The following GLDC variants were observed in gnomAD, a reference collection of about 807,000 sequenced individuals.
GLDC encodes glycine dehydrogenase (decarboxylating), mitochondrial.
A neutral mutation model predicts 121.3 loss-of-function variants in GLDC; 104 were observed. That is an observed-to-expected ratio of 0.86 (90% CI 0.73 to 1.01). The LOEUF (loss-of-function observed/expected upper bound fraction) is 1.01, where lower values mean the gene tolerates loss of function less well. Ranked by LOEUF, GLDC falls within the 50% of genes least tolerant of loss-of-function variation. The pLI is 0.00. For missense variants in GLDC, 1,429 were observed against 1,306.6 expected, an observed-to-expected ratio of 1.09 and a Z score of -1.44; for synonymous variants, 546 against 480.6, an observed-to-expected ratio of 1.14 and a Z score of -1.78.
chr9:6,536,357 T>G (rs1817130642), intron 22 of GLDC, 121 bp from the exon 23 acceptor site: 2 of 870,194 alleles, frequency 2.3e-6, no homozygotes, highest in African/African-American at 1.7e-5. Flanking sequence ...CATTTGCAAA[T>G]GTATGTATGT....
At chr9:6,577,307 C>T (rs2129798500) in intron 15 of GLDC, among the ~76,000 whole-genome samples, 1 of 152,284 alleles carries the variant, frequency 6.6e-6, no homozygotes, top group South Asian at 2.1e-4. Context: ...AACTGGGTGC[C>T]CTGGGAGACT....
intron 15 of GLDC, among the ~76,000 whole-genome samples, chr9:6,574,693 T>A (rs756437276): frequency 3.9e-5 from 6 of 152,116 alleles, no homozygotes; most frequent in Non-Finnish European, 8.8e-5. Context: ...GCTCTCCTCA[T>A]CCCTCACCCT....
At chr9:6,610,463 A>C (rs116286048) in intron 3 of GLDC, 107 bp from the exon 4 acceptor site, 1 of 1,081,416 alleles carries the variant, frequency 9.2e-7, no homozygotes, top group East Asian at 2.5e-5. Context: ...GCCTATCTTG[A>C]GGAGAATTAC....
intron 2 of GLDC, among the ~76,000 whole-genome samples, chr9:6,638,056 C>A (rs1819543879): frequency 6.6e-6 from 1 of 151,914 alleles, no homozygotes; most frequent in South Asian, 2.1e-4. Flanking sequence ...TCTGAATATC[C>A]CCCAAATAAT....
At chr9:6,579,174 C>A (rs917340072) in intron 15 of GLDC, among the ~76,000 whole-genome samples, 2 of 152,100 alleles carry the variant, frequency 1.3e-5, no homozygotes, top group African/African-American at 4.8e-5. Flanking sequence ...AAAGAGTTAA[C>A]TGATTTCACT....
chr9:6,644,118 A>G (rs986289930), intron 2 of GLDC, among the ~76,000 whole-genome samples: 1 of 151,310 alleles, frequency 6.6e-6, no homozygotes, highest in Non-Finnish European at 1.5e-5. Context: ...TTCAGTTGGT[A>G]AATAATAAAA....
chr9:6,558,232 G>GT (rs1293517975), intron 17 of GLDC: 2 of 576,022 alleles, frequency 3.5e-6, no homozygotes, highest in Non-Finnish European at 6.2e-6. Flanking sequence ...ACGAAGATGT[G>GT]TAAGTGTGAC....
At chr9:6,575,498 G>T (rs913978170) in intron 15 of GLDC, among the ~76,000 whole-genome samples, 1 of 152,162 alleles carries the variant, frequency 6.6e-6, no homozygotes, top group Non-Finnish European at 1.5e-5. Flanking sequence ...GTAGGGTGAG[G>T]CTCAGTAATT....
chr9:6,623,513 G>A (rs918704078), intron 2 of GLDC, among the ~76,000 whole-genome samples: 3 of 150,594 alleles, frequency 2.0e-5, no homozygotes, highest in Non-Finnish European at 4.4e-5. Context: ...AGGAAAACCA[G>A]AGACCTTTGT....
intron 3 of GLDC, among the ~76,000 whole-genome samples, chr9:6,615,854 T>C (rs1818958379): frequency 1.3e-5 from 2 of 152,170 alleles, no homozygotes; most frequent in South Asian, 4.1e-4. Context: ...CCTCAAGTGA[T>C]CTGCCCACCT....
chr9:6,619,146 CAAAAAAAAAAAAA>C lies in GLDC; in HGVS notation c.470+1025_470+1037del, dbSNP rs1162280442. Among the ~76,000 whole-genome samples the C allele has an allele frequency of 2.4e-3, 146 of 60,682 alleles. 1 individual carries two copies. Among genetic ancestry groups the C allele is most frequent in the Middle Eastern group, 0.034 (2 of 58 alleles). 39.8% of individuals were successfully genotyped at this position (60,682 alleles called of 152,430 possible). A position where few individuals can be genotyped will look rare whatever the true frequency, so the allele number is the denominator to read the frequency against. Reference sequence around the variant, plus strand: ...CAACAGAGTGAGACTCTGTCTCAGGCAAAAAAAAAAAAAAAAAAAAAAAAAAAAAAGAAGAAGT... The same window carrying C: ...CAACAGAGTGAGACTCTGTCTCAGGCAAAAAAAAAAAAAAAAAGAAGAAGT... On this transcript the variant is annotated intron_variant, in intron 3 of 24. Transcript: ENST00000321612.
At chr9:6,593,325 C>G (rs963430567) in intron 9 of GLDC, among the ~76,000 whole-genome samples, 6 of 149,690 alleles carry the variant, frequency 4.0e-5, no homozygotes, top group African/African-American at 1.5e-4. Flanking sequence ...TACAGTCTCA[C>G]TCTGTTGTCC....
At position 6,576,058 on chromosome 9, in the gene GLDC, T is replaced by C. The variant is rs142766977; in HGVS notation, c.1851-10629A>G. ...CCTTCAAACACCCTTGGGATCAAAA[T>C]GTCCTAAGGAACTAGGCAGACCAGT... On this transcript the variant is annotated intron_variant, in intron 15 of 24. Coordinates refer to ENST00000321612, the MANE Select transcript of GLDC (RefSeq NM_000170.3). Among the ~76,000 whole-genome samples the C allele has an allele frequency of 4.1e-4, 62 of 152,320 alleles. 1 individual carries two copies. The highest frequency in any genetic ancestry group is 1.2e-3 in the African/African-American group (48 of 41,574).
intron 15 of GLDC, among the ~76,000 whole-genome samples, chr9:6,584,375 C>T (rs1025725666): frequency 2.6e-5 from 4 of 152,274 alleles, no homozygotes; most frequent in Non-Finnish European, 5.9e-5. Context: ...AAAAATGTGA[C>T]GTGCATATAG....
At chr9:6,599,148 C>T (rs1818549136) in intron 8 of GLDC, among the ~76,000 whole-genome samples, 1 of 150,668 alleles carries the variant, frequency 6.6e-6, no homozygotes, top group African/African-American at 2.4e-5. Flanking sequence ...CACGCCATTG[C>T]ACTCCAGCCT....
At chr9:6,567,261 A>T (rs1415127688) in intron 15 of GLDC, 1 of 152,216 alleles carries the variant, frequency 6.6e-6, no homozygotes, top group Non-Finnish European at 1.5e-5. Flanking sequence ...AAAGGCAAAG[A>T]CTGCTCTTCT....
chr9:6,606,309 C>CAAAAAAAA (rs56758871), intron 5 of GLDC, among the ~76,000 whole-genome samples: 2 of 90,044 alleles, frequency 2.2e-5, no homozygotes, highest in African/African-American at 7.8e-5. Context: ...GACTCCGTCT[C>CAAAAAAAA]AAAAAAAAAA....
intron 9 of GLDC, among the ~76,000 whole-genome samples, chr9:6,593,691 C>CTT (rs201795236): frequency 7.5e-5 from 10 of 133,188 alleles, no homozygotes; most frequent in Non-Finnish European, 6.5e-5. Flanking sequence ...GATTTAATCA[C>CTT]TTTTTTTTTT....
At chr9:6,557,499 CAGG>C (rs1335329557) in intron 17 of GLDC, among the ~76,000 whole-genome samples, 3 of 152,212 alleles carry the variant, frequency 2.0e-5, no homozygotes, top group Admixed American at 2.0e-4. Flanking sequence ...GAGGCTGAGG[CAGG>C]AGAATTGCTT....
Sources: gnomAD v4.1 joint callset for allele counts (sites outside exome capture counted in the v4.1 genomes callset) on GRCh38, gnomAD v4.1.1 for gene constraint, MANE v1.5 for transcripts, NCBI Gene and HGNC (gene_info 2026-07-23, HGNC 2026-07-21) for gene names.